The following PXDNL variants were observed in gnomAD, a reference collection of about 807,000 sequenced individuals.
PXDNL encodes the protein peroxidasin like, also known as probable oxidoreductase PXDNL.
In PXDNL, 145 loss-of-function variants were observed where a neutral mutation model predicts 150.8. That is an observed-to-expected ratio of 0.96 (90% confidence interval 0.84 to 1.10). The LOEUF (loss-of-function observed/expected upper bound fraction) is 1.10. Among genes scored for constraint, PXDNL ranks in the 50% least tolerant of loss-of-function variants. The probability of loss-of-function intolerance (pLI) is 0.00; values close to 1 mark genes in which losing one functional copy is unlikely to be tolerated. For synonymous variants in PXDNL, 757 were observed against 725.7 expected (o/e 1.04, Z -0.69); for missense variants, 2,087 against 1,873.9 (o/e 1.11, Z -2.10).
rs560841549 is a variant in PXDNL, at chr8:51,489,518, A to G, written c.453-5804T>C. Among the ~76,000 whole-genome samples, 24 of 152,144 alleles carry G rather than the reference A, an allele frequency of 1.6e-4. No individual in the cohort carries two copies. The South Asian group carries it at 4.6e-3, about 29-fold the overall frequency. ...TTTTTTGTAGAGATTGGGTTTTGCTATGTTGCCCAGGCTAGTCTGGAACTC... is the reference window on the plus strand; with the variant it reads ...TTTTTTGTAGAGATTGGGTTTTGCTGTGTTGCCCAGGCTAGTCTGGAACTC... On this transcript the variant is annotated intron_variant, in intron 5 of 22. Transcript: ENST00000356297.
At chr8:51,771,232 G>A (rs2037289412) in intron 1 of PXDNL, among the ~76,000 whole-genome samples, 1 of 151,914 alleles carries the variant, frequency 6.6e-6, no homozygotes, top group African/African-American at 2.4e-5. Context: ...GAACGTTAAG[G>A]GAACGTTTCA....
rs186661838 is a variant in PXDNL at position 51,493,060 on chromosome 8, G to A, written c.452+6639C>T. Among the ~76,000 whole-genome samples the A allele has an allele frequency of 2.6e-3, 390 of 152,268 alleles. 6 individuals are homozygous for A. The highest frequency in any genetic ancestry group is 9.0e-3 in the African/African-American group (373 of 41,558). Reference sequence around the variant, plus strand: ...TAGGGGCAGACTGACAACTCACACGGCCAGGTACTCCTCTGAGACAAAACT... The same window carrying A: ...TAGGGGCAGACTGACAACTCACACGACCAGGTACTCCTCTGAGACAAAACT... On this transcript the variant is annotated intron_variant, in intron 5 of 22. Transcript: ENST00000356297.
At chr8:51,742,050 T>C (rs2036913366) in intron 1 of PXDNL, among the ~76,000 whole-genome samples, 1 of 152,242 alleles carries the variant, frequency 6.6e-6, no homozygotes, top group Non-Finnish European at 1.5e-5. Flanking sequence ...CCATGGAATA[T>C]TACTCAGCAA....
intron 1 of PXDNL, among the ~76,000 whole-genome samples, chr8:51,799,956 C>A (rs1290885640): frequency 6.6e-6 from 1 of 152,100 alleles, no homozygotes; most frequent in Non-Finnish European, 1.5e-5. Flanking sequence ...CTCTTTTCTC[C>A]CTTAGCTGAT....
chr8:51,693,538 C>T (rs4400372), intron 1 of PXDNL, among the ~76,000 whole-genome samples: 113,763 of 152,052 alleles, frequency 0.75, 42,669 homozygotes, highest in East Asian at 0.82. Flanking sequence ...CTCTGGGAGG[C>T]GGAAGTGAGC....
intron 12 of PXDNL, among the ~76,000 whole-genome samples, chr8:51,432,676 C>T (rs968648003): frequency 5.9e-5 from 9 of 152,122 alleles, no homozygotes; most frequent in East Asian, 5.8e-4. Flanking sequence ...GCATGTAGAA[C>T]GAAAAACAGT....
chr8:51,789,210 T>G (rs2037487996), intron 1 of PXDNL, among the ~76,000 whole-genome samples: 1 of 151,056 alleles, frequency 6.6e-6, no homozygotes, highest in Non-Finnish European at 1.5e-5. Flanking sequence ...TTTTTTTTTT[T>G]GCTGTGTTTT....
At chr8:51,599,596 A>T (rs1165751221) in intron 2 of PXDNL, among the ~76,000 whole-genome samples, 1 of 148,082 alleles carries the variant, frequency 6.8e-6, no homozygotes, top group Non-Finnish European at 1.5e-5. Flanking sequence ...TTATATCAAG[A>T]TATAATAAAT....
intron 1 of PXDNL, among the ~76,000 whole-genome samples, chr8:51,696,008 G>T (rs1406080208): frequency 3.3e-5 from 5 of 152,140 alleles, no homozygotes; most frequent in Non-Finnish European, 7.3e-5. Context: ...CTAAAATACT[G>T]CACAAAGGTA....
intron 3 of PXDNL, among the ~76,000 whole-genome samples, chr8:51,575,389 C>A (rs189709011): frequency 6.6e-6 from 1 of 151,820 alleles, no homozygotes; most frequent in African/African-American, 2.4e-5. Context: ...AAACTTAAAC[C>A]CAATATATCA....
At chr8:51,416,541 A>G (rs1808805279) in intron 14 of PXDNL, among the ~76,000 whole-genome samples, 1 of 152,244 alleles carries the variant, frequency 6.6e-6, no homozygotes, top group African/African-American at 2.4e-5. Context: ...TGTGTTTATC[A>G]GATAGCAAAG....
chr8:51,492,385 T>G (rs1435099342), intron 5 of PXDNL, among the ~76,000 whole-genome samples: 1 of 152,128 alleles, frequency 6.6e-6, no homozygotes, highest in East Asian at 1.9e-4. Context: ...TTTCTGCATT[T>G]CCAACTGAGG....
At chr8:51,335,084 A>G (rs1805797367) in intron 21 of PXDNL, among the ~76,000 whole-genome samples, 1 of 152,180 alleles carries the variant, frequency 6.6e-6, no homozygotes, top group Non-Finnish European at 1.5e-5. Context: ...TGAAGTGAGG[A>G]GGCTGGATTT....
chr8:51,600,213 T>C (rs1240855905), intron 2 of PXDNL, among the ~76,000 whole-genome samples: 3 of 140,984 alleles, frequency 2.1e-5, no homozygotes, highest in Admixed American at 7.2e-5. Flanking sequence ...TAATAAATTA[T>C]ATCTCATATA....
intron 1 of PXDNL, among the ~76,000 whole-genome samples, chr8:51,788,360 A>G (rs750616310): frequency 5.9e-5 from 9 of 152,224 alleles, no homozygotes; most frequent in Non-Finnish European, 1.3e-4. Flanking sequence ...GAATTCTCCA[A>G]AGGAAAGTCC....
chr8:51,681,361 G>A (rs1009432134), intron 1 of PXDNL, among the ~76,000 whole-genome samples: 13 of 152,074 alleles, frequency 8.5e-5, no homozygotes, highest in Non-Finnish European at 1.2e-4. Context: ...TACCAATCCC[G>A]GAATTGTTTG....
chr8:51,691,774 T>C (rs934379546), intron 1 of PXDNL, among the ~76,000 whole-genome samples: 1 of 152,164 alleles, frequency 6.6e-6, no homozygotes, highest in African/African-American at 2.4e-5. Context: ...ATGAACGTTT[T>C]TACCATATCT....
chr8:51,619,424 C>A (rs1245954114), intron 2 of PXDNL, among the ~76,000 whole-genome samples: 1 of 152,128 alleles, frequency 6.6e-6, no homozygotes, highest in Non-Finnish European at 1.5e-5. Flanking sequence ...AGCAGACAGG[C>A]CTTGCCAGGT....
chr8:51,584,891 A>G (rs539295355), intron 3 of PXDNL, among the ~76,000 whole-genome samples: 2 of 152,296 alleles, frequency 1.3e-5, no homozygotes, highest in African/African-American at 4.8e-5. Flanking sequence ...TAGAAAGGGA[A>G]AGATTTGGAC....
Sources: gnomAD v4.1 joint callset for allele counts (sites outside exome capture counted in the v4.1 genomes callset) on GRCh38, gnomAD v4.1.1 for gene constraint, MANE v1.5 for transcripts, NCBI Gene and HGNC (gene_info 2026-07-23, HGNC 2026-07-21) for gene names.